Variants in TASP1 observed in about 807,000 individuals in gnomAD.
TASP1 encodes the protein threonine aspartase 1.
Under a neutral mutation model 56.6 loss-of-function variants are expected in TASP1, and 16 were observed. The observed-to-expected ratio is 0.28, with a 90% CI of 0.19 to 0.43. The LOEUF (loss-of-function observed/expected upper bound fraction) is 0.43. Among genes scored for constraint, TASP1 ranks in the 20% least tolerant of loss-of-function variants. TASP1 has a pLI of 1.00. For synonymous variants in TASP1, 179 were observed against 184.2 expected, an observed-to-expected ratio of 0.97 and a Z score of 0.23; for missense variants, 393 against 511.6, an observed-to-expected ratio of 0.77 and a Z score of 2.24.
intron 10 of TASP1, among the ~76,000 whole-genome samples, chr20:13,498,117 G>A (rs2043797956): frequency 6.6e-6 from 1 of 151,916 alleles, no homozygotes; most frequent in African/African-American, 2.4e-5. Context: ...TTGACAAGAG[G>A]GATCCAATTA....
chr20:13,156,900 G>A, the TASP1 span, among the ~76,000 whole-genome samples: 2 of 151,996 alleles, frequency 1.3e-5, no homozygotes, highest in Non-Finnish European at 2.9e-5. Flanking sequence ...AAAATAAAAT[G>A]TCCAGAAAAA....
intron 13 of TASP1, among the ~76,000 whole-genome samples, chr20:13,396,874 G>C (rs1276390680): frequency 6.6e-6 from 1 of 152,176 alleles, no homozygotes. Flanking sequence ...AGGGCAAAAA[G>C]TTCTATTGTT....
chr20:13,569,954 A>G (rs2046656919), intron 6 of TASP1, among the ~76,000 whole-genome samples: 1 of 152,148 alleles, frequency 6.6e-6, no homozygotes, highest in South Asian at 2.1e-4. Flanking sequence ...ACAGTTTACA[A>G]TTAAGTGAAT....
chr20:13,395,318 G>A (rs990400454), intron 13 of TASP1, among the ~76,000 whole-genome samples: 1 of 152,196 alleles, frequency 6.6e-6, no homozygotes, highest in South Asian at 2.1e-4. Context: ...CAGGACTCTA[G>A]CCTCCTGAGA....
the TASP1 span, among the ~76,000 whole-genome samples, chr20:13,250,900 C>T: frequency 6.6e-6 from 1 of 152,146 alleles, no homozygotes; most frequent in Non-Finnish European, 1.5e-5. Flanking sequence ...TTCTAGGTCT[C>T]CTTTGCCCCC....
chr20:13,170,889 C>G, the TASP1 span, among the ~76,000 whole-genome samples: 3 of 152,130 alleles, frequency 2.0e-5, no homozygotes, highest in Non-Finnish European at 4.4e-5. Context: ...CATGCGTGGA[C>G]TAAAGGCATA....
At chr20:13,319,712 A>G in the TASP1 span, among the ~76,000 whole-genome samples, 1 of 152,228 alleles carries the variant, frequency 6.6e-6, no homozygotes, top group Non-Finnish European at 1.5e-5. Context: ...AAATGTTTGT[A>G]TCTATTTGAA....
the TASP1 span, among the ~76,000 whole-genome samples, chr20:13,209,855 TTC>T: frequency 2.0e-4 from 31 of 152,340 alleles, 2 homozygotes; most frequent in Admixed American, 1.6e-3. Context: ...TTATGCTTAT[TTC>T]TGTTTATTGA....
chr20:13,465,915 T>C (rs1330074362), intron 11 of TASP1, among the ~76,000 whole-genome samples: 1 of 152,154 alleles, frequency 6.6e-6, no homozygotes, highest in African/African-American at 2.4e-5. Context: ...TAAGGGGTTC[T>C]GTATCATGAC....
the TASP1 span, among the ~76,000 whole-genome samples, chr20:13,223,363 C>G: frequency 6.6e-6 from 1 of 152,190 alleles, no homozygotes; most frequent in African/African-American, 2.4e-5. Context: ...TACGTGCCAC[C>G]GTTTTAAGTA....
At chr20:13,541,808 C>T (rs2045631470) in intron 8 of TASP1, among the ~76,000 whole-genome samples, 2 of 151,962 alleles carry the variant, frequency 1.3e-5, no homozygotes, top group Admixed American at 1.3e-4. Context: ...AGACACGCAA[C>T]AAGAAATGGG....
Position 13,609,688 on chromosome 20 carries a change from A to C in TASP1, c.282+13758T>G, listed in dbSNP as rs1438262591. Among the ~76,000 whole-genome samples the C allele has an allele frequency of 1.7e-4, 24 of 144,056 alleles. No individual in the cohort carries two copies. The South Asian group carries it at 5.1e-3, about 31-fold the overall frequency. 94.5% of individuals were successfully genotyped at this position (144,056 alleles called of 152,430 possible). On this transcript the variant is annotated intron_variant, in intron 4 of 13. Coordinates refer to ENST00000337743, the MANE Select transcript of TASP1 (RefSeq NM_017714.3). ...GCAACAAGCGCAAAACTCTGTCTCA[A>C]AAAAAAAAAAAAAAAAAAAAGTTAA...
At chr20:13,506,623 A>G (rs1027349936) in intron 10 of TASP1, among the ~76,000 whole-genome samples, 1 of 152,196 alleles carries the variant, frequency 6.6e-6, no homozygotes, top group African/African-American at 2.4e-5. Flanking sequence ...CCACATTAAT[A>G]GAATGAAGAA....
chr20:13,586,596 T>G (rs552085125), intron 5 of TASP1, among the ~76,000 whole-genome samples: 12 of 152,108 alleles, frequency 7.9e-5, no homozygotes, highest in Non-Finnish European at 1.5e-4. Flanking sequence ...ATGTTTAATG[T>G]CTTGATCTAG....
chr20:13,270,437 C>T, the TASP1 span: 1 of 1,522,048 alleles, frequency 6.6e-7, no homozygotes, highest in Non-Finnish European at 8.9e-7. Flanking sequence ...ATATAATGGA[C>T]TGTTAAGGGT....
At chr20:13,558,190 A>G (rs2046227751) in intron 8 of TASP1, among the ~76,000 whole-genome samples, 3 of 152,208 alleles carry the variant, frequency 2.0e-5, no homozygotes, top group Non-Finnish European at 1.5e-5. Context: ...CAGAAGAACT[A>G]AACAATAAAG....
the TASP1 span, among the ~76,000 whole-genome samples, chr20:13,108,860 C>G: frequency 6.6e-6 from 1 of 152,164 alleles, no homozygotes; most frequent in African/African-American, 2.4e-5. Context: ...GTTTCTAATG[C>G]CTGGTGAACA....
the TASP1 span, among the ~76,000 whole-genome samples, chr20:13,109,399 C>T: frequency 1.5e-4 from 23 of 152,178 alleles, no homozygotes; most frequent in African/African-American, 5.3e-4. Flanking sequence ...TGATAGACCT[C>T]AGGCAGTTTA....
chr20:13,219,049 C>A, the TASP1 span, among the ~76,000 whole-genome samples: 1 of 152,076 alleles, frequency 6.6e-6, no homozygotes, highest in Non-Finnish European at 1.5e-5. Flanking sequence ...GTCATTTTTG[C>A]CTTGGGTCCA....
Sources: allele counts gnomAD v4.1 joint callset (sites outside exome capture counted in the v4.1 genomes callset), GRCh38; gene constraint gnomAD v4.1.1; transcripts MANE v1.5; gene names NCBI Gene and HGNC (gene_info 2026-07-23, HGNC 2026-07-21).